CHEK1: variants seen among roughly 807,000 people sequenced by gnomAD.
The protein encoded by CHEK1 is serine/threonine-protein kinase Chk1.
CHEK1 carries 32 observed loss-of-function variants against 60.2 expected under a neutral mutation model. The observed-to-expected ratio is 0.53, with a 90% CI of 0.40 to 0.71. The LOEUF is 0.71. CHEK1 is among the 30% of genes least tolerant of loss of function. The pLI is 0.00. For synonymous variants in CHEK1, 179 were observed against 187.2 expected, an observed-to-expected ratio of 0.96 and a Z score of 0.36; for missense variants, 399 against 564.6, an observed-to-expected ratio of 0.71 and a Z score of 2.97.
intron 11 of CHEK1, among the ~76,000 whole-genome samples, chr11:125,647,246 A>G (rs1355459863): frequency 1.3e-5 from 2 of 152,048 alleles, no homozygotes; most frequent in African/African-American, 4.8e-5. Flanking sequence ...TGTTGAAGAT[A>G]TGTTTTACTA....
intron 13 of CHEK1, among the ~76,000 whole-genome samples, chr11:125,664,018 A>C (rs1942057744): frequency 6.6e-6 from 1 of 152,020 alleles, no homozygotes; most frequent in African/African-American, 2.4e-5. Flanking sequence ...GGTGTGCAGC[A>C]TTACTTCTGT....
Position 125,635,417 on chromosome 11 carries a change from C to G in CHEK1, c.614-12C>G. 6.7e-7 allele frequency: 1 copy of G among 1,503,516 alleles called. No homozygotes were observed. 93.1% of individuals were successfully genotyped at this position (1,503,516 alleles called of 1,614,324 possible). On this transcript the variant is annotated splice_polypyrimidine_tract_variant and intron_variant, in intron 6 of 12. Coordinates refer to ENST00000438015, the MANE Select transcript of CHEK1 (RefSeq NM_001114122.3). ...GAACATTTAAAAAAACTGGGACTTG[C>G]TTTGTTTTTAGAATTGCCATGGGAC...
At chr11:125,639,480 G>A (rs150003923) in intron 8 of CHEK1, among the ~76,000 whole-genome samples, 29 of 141,830 alleles carry the variant, frequency 2.0e-4, no homozygotes, top group African/African-American at 5.3e-4. Flanking sequence ...CAAGCGATTC[G>A]ATTCTCGTGC....
chr11:125,657,187 T>TTTTGTGTGTGTGTGTGTGTGTG (rs140073080), downstream of CHEK1: 209 of 147,220 alleles, frequency 1.4e-3, no homozygotes, highest in Middle Eastern at 3.2e-3. Context: ...CAACCTATGC[T>TTTTGTGTGTGTGTGTGTGTGTG]TGTGTGTGTG....
chr11:125,655,196 A>G (rs746741063), intron 12 of CHEK1, 29 bp from the exon 13 acceptor site: 1 of 1,552,266 alleles, frequency 6.4e-7, no homozygotes, highest in East Asian at 2.3e-5. Context: ...TTGTTTTGAC[A>G]TAATTTTTTA....
Position 125,656,143 on chromosome 11 carries a change from C to T in CHEK1, c.*823C>T, listed in dbSNP as rs1172778733. Reference sequence around the variant, plus strand: ...TAGATCTGATTCTTTGTTCCTTTACCTGTTAGACTTACAAAAAGTTTGTTT... The same window carrying T: ...TAGATCTGATTCTTTGTTCCTTTACTTGTTAGACTTACAAAAAGTTTGTTT... On this transcript the variant is annotated 3_prime_UTR_variant, in exon 13 of 13. Coordinates refer to ENST00000438015, the MANE Select transcript of CHEK1 (RefSeq NM_001114122.3). 4.7e-6 allele frequency: 1 copy of T among 210,830 alleles called. No individual in the cohort carries two copies. The highest frequency in any genetic ancestry group is 7.2e-5 in the East Asian group (1 of 13,894). The allele number at this position is 210,830 out of a possible 1,614,324, so 13.1% of individuals were successfully genotyped here. A position where few individuals can be genotyped will look rare whatever the true frequency, so the allele number is the denominator to read the frequency against.
downstream of CHEK1, among the ~76,000 whole-genome samples, chr11:125,679,144 A>G (rs1942671243): frequency 6.7e-6 from 1 of 148,692 alleles, no homozygotes; most frequent in African/African-American, 2.5e-5. Context: ...CCCACCTTAC[A>G]CTGGGAATTA....
At chr11:125,671,467 G>A (rs2134098473) in intron 13 of CHEK1, 1 of 152,218 alleles carries the variant, frequency 6.6e-6, no homozygotes, top group East Asian at 1.9e-4. Context: ...TTTTCTTCCA[G>A]CTTACCATTA....
chr11:125,638,239 AT>A (rs997269060), intron 8 of CHEK1, among the ~76,000 whole-genome samples: 10 of 151,914 alleles, frequency 6.6e-5, no homozygotes, highest in East Asian at 5.8e-4. Context: ...TGACTTCCTT[AT>A]TTTTTTTCCA....
intron 13 of CHEK1, chr11:125,672,829 A>G: frequency 1.5e-6 from 2 of 1,310,142 alleles, no homozygotes; most frequent in South Asian, 1.6e-5. Context: ...CCACTTGTCC[A>G]TTATCCCTTC....
intron 6 of CHEK1, among the ~76,000 whole-genome samples, chr11:125,634,415 C>T (rs1309231719): frequency 6.6e-6 from 1 of 151,900 alleles, no homozygotes; most frequent in Non-Finnish European, 1.5e-5. Context: ...CTTGAGCTCC[C>T]AGGCTCAAGC....
At chr11:125,632,088 TA>T (rs1334273663) in intron 5 of CHEK1, among the ~76,000 whole-genome samples, 1 of 152,124 alleles carries the variant, frequency 6.6e-6, no homozygotes, top group African/African-American at 2.4e-5. Context: ...CGTCATGCTA[TA>T]ATATTTTTTA....
intron 13 of CHEK1, among the ~76,000 whole-genome samples, chr11:125,670,079 T>G (rs993584125): frequency 6.6e-6 from 1 of 152,222 alleles, no homozygotes; most frequent in African/African-American, 2.4e-5. Flanking sequence ...TGATCTGTCT[T>G]CAAATTTGGT....
At chr11:125,642,939 A>G (rs1314762746) in intron 8 of CHEK1, 1 of 152,204 alleles carries the variant, frequency 6.6e-6, no homozygotes, top group African/African-American at 2.4e-5. Context: ...AGAGAAACAA[A>G]TATTATCTGG....
At chr11:125,669,598 A>G (rs892831423) in intron 13 of CHEK1, among the ~76,000 whole-genome samples, 1 of 134,752 alleles carries the variant, frequency 7.4e-6, no homozygotes, top group Non-Finnish European at 1.5e-5. Context: ...ATCTCGGCTC[A>G]CTGCAACCTC....
At chr11:125,661,536 T>C (rs1330404843), downstream of CHEK1, among the ~76,000 whole-genome samples, 1 of 152,194 alleles carries the variant, frequency 6.6e-6, no homozygotes, top group African/African-American at 2.4e-5. Flanking sequence ...GGTCTCAAAC[T>C]CTTGGCCTCA....
downstream of CHEK1, among the ~76,000 whole-genome samples, chr11:125,678,978 T>TTATTTATATATATATATATATATATA (rs1555078665): frequency 9.0e-5 from 8 of 88,442 alleles, no homozygotes; most frequent in Non-Finnish European, 1.6e-4. Flanking sequence ...TCTAGGCATA[T>TTATTTATATATATATATATATATATA]TATATATATA....
At chr11:125,645,935 T>C (rs1307690816) in intron 11 of CHEK1, among the ~76,000 whole-genome samples, 3 of 152,162 alleles carry the variant, frequency 2.0e-5, no homozygotes, top group Non-Finnish European at 4.4e-5. Context: ...CTCACTCACA[T>C]AGGTGATTCA....
chr11:125,656,606 C>T lies in CHEK1; in HGVS notation c.*1286C>T, dbSNP rs1447935595. ...GAGAAATTTTGTTCTTGAGAATTAT[C>T]TGAGTCATTAATATTTTTCAAAAAC... On this transcript the variant is annotated 3_prime_UTR_variant, in exon 13 of 13. Transcript: ENST00000438015. 9.4e-6 allele frequency: 2 copies of T among 213,656 alleles called. No homozygotes were observed. Among genetic ancestry groups the T allele is most frequent in the Non-Finnish European group, 1.9e-5 (2 of 105,718 alleles). 13.2% of individuals were successfully genotyped at this position (213,656 alleles called of 1,614,324 possible).
Sources: gnomAD v4.1 joint callset for allele counts (sites outside exome capture counted in the v4.1 genomes callset) on GRCh38, gnomAD v4.1.1 for gene constraint, MANE v1.5 for transcripts, NCBI Gene and HGNC (gene_info 2026-07-23, HGNC 2026-07-21) for gene names.